STT3B: variants seen among roughly 807,000 people sequenced by gnomAD.
The protein encoded by STT3B is STT3 oligosaccharyltransferase complex catalytic subunit B, also known as dolichyl-diphosphooligosaccharide--protein glycosyltransferase subunit STT3B.
STT3B carries 29 observed loss-of-function variants against 96.8 expected under a neutral mutation model. That is an observed-to-expected ratio of 0.30 (90% CI 0.22 to 0.41). STT3B has a LOEUF of 0.41. Ranked by LOEUF, STT3B falls within the 10% of genes least tolerant of loss-of-function variation. The pLI, the probability that STT3B is intolerant of heterozygous loss-of-function variation, is 1.00. For synonymous variants in STT3B, 367 were observed against 360.0 expected (o/e 1.02, Z -0.22); for missense variants, 640 against 1,022.3 (o/e 0.63, Z 5.10).
chr3:31,564,701 C>T (rs1697959878), intron 1 of STT3B, among the ~76,000 whole-genome samples: 1 of 152,044 alleles, frequency 6.6e-6, no homozygotes, highest in Non-Finnish European at 1.5e-5. Context: ...AATGCTATTT[C>T]GTATATTAGA....
At chr3:31,595,127 C>T (rs1459774393) in intron 3 of STT3B, among the ~76,000 whole-genome samples, 1 of 152,166 alleles carries the variant, frequency 6.6e-6, no homozygotes, top group Non-Finnish European at 1.5e-5. Context: ...TTCTTCTTGG[C>T]CTCTCTGTGC....
intron 2 of STT3B, among the ~76,000 whole-genome samples, chr3:31,579,354 TTTGTGTG>T (rs1698330123): frequency 6.6e-6 from 1 of 151,664 alleles, no homozygotes; most frequent in African/African-American, 2.4e-5. Flanking sequence ...CTTAAATAAT[TTTGTGTG>T]TAATTTTTCT....
At position 31,567,586 on chromosome 3, in the gene STT3B, T is replaced by G. The variant is rs1284093348; in HGVS notation, c.315-8810T>G. On this transcript the variant is annotated intron_variant, in intron 1 of 15. Coordinates refer to ENST00000295770, the MANE Select transcript of STT3B (RefSeq NM_178862.3). ...ATTAATATTTCTTTCTGATACGGTG[T>G]CACTTTTAATGAGGACTGAAAATGT... 2.0e-5 allele frequency among the ~76,000 whole-genome samples: 3 copies of G among 152,344 alleles called. No homozygotes were observed. The East Asian group carries it at 5.8e-4, about 29-fold the overall frequency.
intron 1 of STT3B, among the ~76,000 whole-genome samples, chr3:31,570,766 T>C (rs189004082): frequency 9.9e-5 from 15 of 151,940 alleles, no homozygotes; most frequent in African/African-American, 3.4e-4. Flanking sequence ...AATGGAAGAT[T>C]TGTAGTCAAG....
At chr3:31,624,848 A>C in intron 11 of STT3B, 66 bp from the exon 12 acceptor site, 1 of 1,328,886 alleles carries the variant, frequency 7.5e-7, no homozygotes, top group Non-Finnish European at 1.1e-6. Flanking sequence ...TAATACCTCA[A>C]GATTTTAAGT....
chr3:31,614,993 G>C, intron 5 of STT3B, 112 bp from the exon 6 acceptor site: 1 of 553,352 alleles, frequency 1.8e-6, no homozygotes, highest in Non-Finnish European at 3.1e-6. Context: ...TCAAGATTCT[G>C]TTCTTAAATT....
intron 3 of STT3B, among the ~76,000 whole-genome samples, chr3:31,586,402 A>G (rs1182855924): frequency 6.6e-6 from 1 of 152,046 alleles, no homozygotes; most frequent in East Asian, 1.9e-4. Context: ...TTTGATTTTT[A>G]TGGAATGTAT....
intron 9 of STT3B, among the ~76,000 whole-genome samples, chr3:31,621,699 A>G (rs1409240266): frequency 6.6e-6 from 1 of 152,164 alleles, no homozygotes; most frequent in African/African-American, 2.4e-5. Context: ...AGCAGGTTTT[A>G]TGCCAGATAT....
At chr3:31,541,568 A>G (rs557333126) in intron 1 of STT3B, among the ~76,000 whole-genome samples, 149 of 151,308 alleles carry the variant, frequency 9.8e-4, no homozygotes, top group Non-Finnish European at 1.4e-3. Context: ...AAGTTCAGCA[A>G]TAATTTTTTT....
chr3:31,631,299 TTTTG>T (rs1178446690), intron 14 of STT3B, among the ~76,000 whole-genome samples: 2 of 152,170 alleles, frequency 1.3e-5, no homozygotes, highest in African/African-American at 4.8e-5. Context: ...AGATTTAGGT[TTTTG>T]TTTGTGTTTA....
At chr3:31,585,541 T>C (rs1698517805) in intron 3 of STT3B, among the ~76,000 whole-genome samples, 1 of 152,060 alleles carries the variant, frequency 6.6e-6, no homozygotes, top group Non-Finnish European at 1.5e-5. Context: ...GTGTTTATCA[T>C]ATTGCCTCTT....
At chr3:31,611,595 C>G (rs567667239) in intron 5 of STT3B, among the ~76,000 whole-genome samples, 1 of 152,284 alleles carries the variant, frequency 6.6e-6, no homozygotes, top group Non-Finnish European at 1.5e-5. Flanking sequence ...CTCCCCAGTT[C>G]AAACGATTCT....
At position 31,533,277 on chromosome 3, in the gene STT3B, C is replaced by T. The variant is rs770265866; in HGVS notation, c.279C>T (p.Ile93=). 1 of 1,532,028 alleles carries T rather than the reference C, an allele frequency of 6.5e-7. No individual in the cohort carries two copies. Among genetic ancestry groups the T allele is most frequent in the East Asian group, 2.8e-5 (1 of 35,938 alleles). 94.9% of individuals were successfully genotyped at this position (1,532,028 alleles called of 1,614,324 possible). Residue 93 remains isoleucine, a synonymous_variant, in exon 1 of 16, where the codon ATC becomes ATT. Coordinates refer to ENST00000295770, the MANE Select transcript of STT3B (RefSeq NM_178862.3). ...AGFSSRLFAV[I]RFESIIHEFD... is the part of the protein sequence containing the mutation. The stretch of plus-strand genomic sequence containing the variant: ...TCAGCTCGCGCCTCTTCGCCGTCAT[C>T]CGCTTCGAAAGCATCATCCACGAGT...
intron 1 of STT3B, among the ~76,000 whole-genome samples, chr3:31,553,059 G>A (rs1391061494): frequency 1.4e-5 from 2 of 143,034 alleles, no homozygotes; most frequent in Admixed American, 7.2e-5. Context: ...TCGAGATCGC[G>A]CCACTGCACT....
At chr3:31,558,030 G>A (rs572022498) in intron 1 of STT3B, among the ~76,000 whole-genome samples, 12 of 152,126 alleles carry the variant, frequency 7.9e-5, no homozygotes, top group East Asian at 3.8e-4. Flanking sequence ...TGTCGATTTC[G>A]TATCCTGCAA....
chr3:31,543,657 ATAT>A (rs1189945276), intron 1 of STT3B, among the ~76,000 whole-genome samples: 2 of 152,224 alleles, frequency 1.3e-5, no homozygotes, highest in East Asian at 1.9e-4. Flanking sequence ...TACACATGTC[ATAT>A]TATTCTTTAT....
chr3:31,607,747 T>TC (rs1559384295), intron 5 of STT3B, among the ~76,000 whole-genome samples: 1 of 67,414 alleles, frequency 1.5e-5, no homozygotes, highest in Admixed American at 2.0e-4. Context: ...TTGTTGTTTT[T>TC]GGGGGGTTGT....
intron 1 of STT3B, among the ~76,000 whole-genome samples, chr3:31,565,110 T>G (rs1186699696): frequency 6.6e-6 from 1 of 152,234 alleles, no homozygotes; most frequent in Non-Finnish European, 1.5e-5. Context: ...GTACTTTGCT[T>G]TCTCTCAGAT....
intron 5 of STT3B, among the ~76,000 whole-genome samples, chr3:31,606,565 T>C (rs1207456847): frequency 6.6e-6 from 1 of 152,154 alleles, no homozygotes; most frequent in Admixed American, 6.5e-5. Context: ...AGCTTGCAGG[T>C]GCACAGAAGT....
Sources: allele counts gnomAD v4.1 joint callset (sites outside exome capture counted in the v4.1 genomes callset), GRCh38; gene constraint gnomAD v4.1.1; transcripts MANE v1.5; gene names NCBI Gene and HGNC (gene_info 2026-07-23, HGNC 2026-07-21).